The following FANCD2OS variants were observed in gnomAD, a reference collection of about 807,000 sequenced individuals.
The protein encoded by FANCD2OS is FANCD2 opposite strand protein.
Under a neutral mutation model 13.2 loss-of-function variants are expected in FANCD2OS, and 11 were observed. The observed-to-expected ratio is 0.83, with a 90% CI of 0.52 to 1.38. FANCD2OS has a LOEUF of 1.38. Ranked by LOEUF, FANCD2OS falls within the 40% of genes most tolerant of loss-of-function variation. FANCD2OS has a pLI of 0.00. For missense variants in FANCD2OS, 217 were observed against 213.9 expected (o/e 1.01, Z -0.09); for synonymous variants, 69 against 84.5 (o/e 0.82, Z 1.01).
intron 2 of FANCD2OS, among the ~76,000 whole-genome samples, chr3:10,097,407 C>A (rs1003668836): frequency 6.6e-6 from 1 of 152,134 alleles, no homozygotes; most frequent in Non-Finnish European, 1.5e-5. Context: ...CCGGGGGGGC[C>A]CAGTTCAGAG....
intron 1 of FANCD2OS, among the ~76,000 whole-genome samples, chr3:10,107,015 A>G (rs1313059615): frequency 1.3e-5 from 2 of 152,224 alleles, no homozygotes; most frequent in Non-Finnish European, 2.9e-5. Context: ...CTCATGATCT[A>G]TGTAGGCTCT....
rs34826850 is a variant in FANCD2OS at position 10,093,875 on chromosome 3, G to A, written c.*43+10323C>T. Among the ~76,000 whole-genome samples the A allele has an allele frequency of 1.7e-3, 262 of 152,266 alleles. 1 individual carries two copies. Among genetic ancestry groups the A allele is most frequent in the African/African-American group, 6.1e-3 (252 of 41,544 alleles). On this transcript the variant is annotated intron_variant, in intron 2 of 2. Coordinates refer to the FANCD2OS transcript ENST00000524279. ...CTCTCCCTTTTTACTCCACCCTTGC[G>A]CAATGTGGGAGATGGGCAAGTTGGA...
chr3:10,082,800 C>A (rs1464949797), intron 2 of FANCD2OS, among the ~76,000 whole-genome samples: 1 of 152,154 alleles, frequency 6.6e-6, no homozygotes, highest in Non-Finnish European at 1.5e-5. Context: ...ATTACTTGTT[C>A]ATCAGTCTTT....
chr3:10,101,214 T>C (rs1695279649), downstream of FANCD2OS: 2 of 1,613,426 alleles, frequency 1.2e-6, no homozygotes, highest in Admixed American at 1.7e-5. Flanking sequence ...AAGTAAGTGC[T>C]GGAGAAAAGG....
chr3:10,098,855 T>C (rs1695135713), downstream of FANCD2OS: 1 of 1,614,114 alleles, frequency 6.2e-7, no homozygotes, highest in African/African-American at 1.3e-5. Flanking sequence ...CACTGATGGT[T>C]GCATTTTGTT....
At chr3:10,101,488 C>T (rs758652840), downstream of FANCD2OS, 7 of 492,240 alleles carry the variant, frequency 1.4e-5, no homozygotes, top group East Asian at 1.7e-4. Context: ...TAGGTTCAAG[C>T]GATTCTCCTG....
chr3:10,105,786 AT>A (rs1695476240), intron 1 of FANCD2OS, among the ~76,000 whole-genome samples: 1 of 55,180 alleles, frequency 1.8e-5, no homozygotes, highest in African/African-American at 1.3e-4. Flanking sequence ...ATATATATAT[AT>A]ATATATATAT....
At chr3:10,106,423 AT>A (rs905273477) in intron 1 of FANCD2OS, among the ~76,000 whole-genome samples, 1 of 151,962 alleles carries the variant, frequency 6.6e-6, no homozygotes, top group African/African-American at 2.4e-5. Context: ...TCAGAAGCTA[AT>A]TTTTTTTAGC....
chr3:10,097,905 G>T (rs1366825736), downstream of FANCD2OS, among the ~76,000 whole-genome samples: 1 of 152,190 alleles, frequency 6.6e-6, no homozygotes, highest in Non-Finnish European at 1.5e-5. Flanking sequence ...ACGTTCTTCT[G>T]TCAAGGCTTC....
chr3:10,096,731 C>T (rs1694988925), intron 2 of FANCD2OS, among the ~76,000 whole-genome samples: 1 of 152,130 alleles, frequency 6.6e-6, no homozygotes, highest in African/African-American at 2.4e-5. Context: ...GGAGTCAGAC[C>T]AGTACAAACC....
chr3:10,104,063 C>T lies in FANCD2OS; in HGVS notation c.*178G>A. 1.7e-6 allele frequency: 1 copy of T among 602,866 alleles called. No individual in the cohort carries two copies. The highest frequency in any genetic ancestry group is 2.9e-6 in the Non-Finnish European group (1 of 348,344). The allele number at this position is 602,866 out of a possible 1,614,324, so 37.3% of individuals were successfully genotyped here. A position where few individuals can be genotyped will look rare whatever the true frequency, so the allele number is the denominator to read the frequency against. ...GGGAATGTTCTTCCTTGTTCTCTATCATTGGTCCTTTTTTGGAGGGGAAGG... is the reference window on the plus strand; with the variant it reads ...GGGAATGTTCTTCCTTGTTCTCTATTATTGGTCCTTTTTTGGAGGGGAAGG... On this transcript the variant is annotated 3_prime_UTR_variant, in exon 2 of 2. Transcript: ENST00000450660.
downstream of FANCD2OS, among the ~76,000 whole-genome samples, chr3:10,102,473 A>G (rs183243092): frequency 6.6e-6 from 1 of 152,094 alleles, no homozygotes; most frequent in African/African-American, 2.4e-5. Flanking sequence ...GCCCAAAGAA[A>G]GTCAAAAGGA....
chr3:10,087,676 C>A (rs1222995964), intron 2 of FANCD2OS, among the ~76,000 whole-genome samples: 1 of 151,834 alleles, frequency 6.6e-6, no homozygotes, highest in South Asian at 2.1e-4. Context: ...GAGACAGAGT[C>A]TCGTTCTGTC....
At chr3:10,098,832 C>T (rs763711696), downstream of FANCD2OS, 4 of 1,614,178 alleles carry the variant, frequency 2.5e-6, no homozygotes, top group African/African-American at 1.3e-5. Flanking sequence ...CTACAAAACC[C>T]ACCAGAGTCT....
chr3:10,088,709 C>T (rs1694391405), intron 2 of FANCD2OS: 1 of 1,183,058 alleles, frequency 8.5e-7, no homozygotes, highest in Non-Finnish European at 1.3e-6. Flanking sequence ...TCCTCTGGTT[C>T]TGTTTTATAC....
At chr3:10,096,318 C>T in intron 2 of FANCD2OS, 4 of 1,613,734 alleles carry the variant, frequency 2.5e-6, no homozygotes, top group Non-Finnish European at 3.4e-6. Context: ...TTATTTATTT[C>T]CATTCAGATT....
chr3:10,087,396 C>A, intron 2 of FANCD2OS: 1 of 822,602 alleles, frequency 1.2e-6, no homozygotes. Context: ...GGCCCTCTTG[C>A]TATACCAAGA....
chr3:10,104,448 A>C lies in FANCD2OS; in HGVS notation c.327T>G (p.Ala109=), dbSNP rs542887517. The change falls in exon 2 of 2, where the codon GCT becomes GCG. Residue 109 remains alanine (A), a synonymous_variant. Coordinates refer to ENST00000450660, the MANE Select transcript of FANCD2OS (RefSeq NM_001164839.2). ...AAGTCCCGGTCCACTTTGGTGGCTG[A>C]GCTGTGATAACCCTGCCAAAGACAG... ...VDSVFGRVIT[A]QPPKWTGTFR... is the part of the protein sequence containing the mutation. 2 of 1,614,130 alleles carry C rather than the reference A, an allele frequency of 1.2e-6. No homozygotes were observed. Among genetic ancestry groups the C allele is most frequent in the Admixed American group, 1.7e-5 (1 of 59,996 alleles).
chr3:10,098,926 A>G (rs191614064), downstream of FANCD2OS: 28 of 1,614,204 alleles, frequency 1.7e-5, no homozygotes, highest in African/African-American at 2.8e-4. Context: ...AAATGCTTCT[A>G]TGCCCATTTC....
Sources: allele counts gnomAD v4.1 joint callset (sites outside exome capture counted in the v4.1 genomes callset), GRCh38; gene constraint gnomAD v4.1.1; transcripts MANE v1.5; gene names NCBI Gene and HGNC (gene_info 2026-07-23, HGNC 2026-07-21).